RSF1: variants seen among roughly 807,000 people sequenced by gnomAD.
The protein encoded by RSF1 is HBV pX-associated protein 8.
RSF1 carries 13 observed loss-of-function variants against 145.2 expected under a neutral mutation model. The ratio of observed to expected loss-of-function variants is 0.09; its 90% CI spans 0.06 to 0.14. The LOEUF is 0.14. RSF1 is among the 10% of genes least tolerant of loss of function. The pLI is 1.00. For missense variants in RSF1, 1,517 were observed against 1,718.2 expected (o/e 0.88, Z 2.07); for synonymous variants, 577 against 592.6 (o/e 0.97, Z 0.38).
chr11:77,792,071 C>T (rs547924603), intron 1 of RSF1, among the ~76,000 whole-genome samples: 1 of 152,168 alleles, frequency 6.6e-6, no homozygotes, highest in Non-Finnish European at 1.5e-5. Flanking sequence ...AGGTTTATTG[C>T]ATTTGCAGTT....
At chr11:77,695,042 C>T (rs1223153988) in intron 7 of RSF1, among the ~76,000 whole-genome samples, 1 of 152,132 alleles carries the variant, frequency 6.6e-6, no homozygotes, top group African/African-American at 2.4e-5. Flanking sequence ...ACTTTGGTCA[C>T]TTGGTTAAAG....
chr11:77,831,254 T>C, the RSF1 span, among the ~76,000 whole-genome samples: 1,450 of 152,316 alleles, frequency 9.5e-3, 23 homozygotes, highest in African/African-American at 0.032. Flanking sequence ...GCTAGTGGAA[T>C]TGCAAAGTTG....
At chr11:77,671,138 A>AATATATATATATATATATAT (rs1225103987) in intron 15 of RSF1, among the ~76,000 whole-genome samples, 2 of 22,056 alleles carry the variant, frequency 9.1e-5, no homozygotes, top group East Asian at 1.6e-3. Flanking sequence ...AAAAAAAAAA[A>AATATATATATATATATATAT]ATATATATAT....
intron 1 of RSF1, among the ~76,000 whole-genome samples, chr11:77,804,360 C>T (rs1474328624): frequency 2.0e-5 from 3 of 152,058 alleles, no homozygotes; most frequent in African/African-American, 4.8e-5. Context: ...TGTAGCCTGT[C>T]GGGTAGAAGG....
At position 77,683,820 on chromosome 11, in the gene RSF1, CTTAAAAAA is replaced by C; in HGVS notation, c.2956-9_2956-2del. 6.2e-7 allele frequency: 1 copy of C among 1,604,652 alleles called. No homozygotes were observed. The highest frequency in any genetic ancestry group is 8.5e-7 in the Non-Finnish European group (1 of 1,174,940). ...CTTGATCTTCAGAAAAGTCTGGCTCCTTAAAAAATATGATAATAAGCATAGAGGTTATT... is the reference window on the plus strand; with the variant it reads ...CTTGATCTTCAGAAAAGTCTGGCTCCTATGATAATAAGCATAGAGGTTATT... On this transcript the variant is annotated splice_acceptor_variant and splice_polypyrimidine_tract_variant and intron_variant, in intron 10 of 15. Transcript: ENST00000308488. LOFTEE classifies it high-confidence loss of function.
chr11:77,812,490 TTA>T (rs1948741072), intron 1 of RSF1, among the ~76,000 whole-genome samples: 1 of 152,158 alleles, frequency 6.6e-6, no homozygotes, highest in Non-Finnish European at 1.5e-5. Flanking sequence ...CATATATACA[TTA>T]TATACTTCAT....
chr11:77,826,830 T>A, the RSF1 span, among the ~76,000 whole-genome samples: 1 of 152,000 alleles, frequency 6.6e-6, no homozygotes, highest in Non-Finnish European at 1.5e-5. Context: ...TGGAGCTGGG[T>A]GCAATGGCTC....
At chr11:77,671,138 AATATATATAT>A (rs1225103987) in intron 15 of RSF1, among the ~76,000 whole-genome samples, 1,052 of 21,704 alleles carry the variant, frequency 0.048, 29 homozygotes, top group East Asian at 0.11. Flanking sequence ...AAAAAAAAAA[AATATATATAT>A]ATATATATAT....
intron 2 of RSF1, among the ~76,000 whole-genome samples, 164 bp from the exon 3 acceptor site, chr11:77,747,292 TA>T (rs1160465668): frequency 2.6e-5 from 4 of 152,196 alleles, no homozygotes; most frequent in Non-Finnish European, 5.9e-5. Context: ...CTTAAAATGA[TA>T]AAAAATATTT....
chr11:77,701,253 T>A lies in RSF1; in HGVS notation c.1976A>T (p.Gln659Leu), dbSNP rs1357469423. 6.2e-7 allele frequency: 1 copy of A among 1,614,158 alleles called. No homozygotes were observed. Among genetic ancestry groups the A allele is most frequent in the East Asian group, 2.2e-5 (1 of 44,864 alleles). Residue 659 changes from glutamine to leucine, a missense_variant, in exon 6 of 16, where the codon CAG becomes CTG. Physicochemically the swap from Gln to Leu is moderately radical, Grantham distance 113 (BLOSUM62 -2). Around this residue, in one of 12 missense-constraint regions of RSF1, gnomAD observed 579 missense variants for 553.5 expected, o/e 1.05. Transcript: ENST00000308488. ...ECQSTSTVGG[Q>L]SVKKVDLETL... is the part of the protein sequence containing the mutation. Reference sequence around the variant, plus strand: ...TTCTAGGTCTACTTTTTTCACAGACTGGCCACCAACAGTACTTGTACTCTG... The same window carrying A: ...TTCTAGGTCTACTTTTTTCACAGACAGGCCACCAACAGTACTTGTACTCTG...
chr11:77,677,963 C>T lies in RSF1; in HGVS notation c.3133+123G>A, dbSNP rs374005228. The T allele has an allele frequency of 1.5e-4, 99 of 649,898 alleles. 1 individual carries two copies. The African/African-American group carries it at 1.7e-3, about 11-fold the overall frequency. The allele number at this position is 649,898 out of a possible 1,614,324, so 40.3% of individuals were successfully genotyped here. ...ACTCTAAATCTGAGACAACTAACATCAGTACTAATCATGATACATAACGGG... is the reference window on the plus strand; with the variant it reads ...ACTCTAAATCTGAGACAACTAACATTAGTACTAATCATGATACATAACGGG... On this transcript the variant is annotated intron_variant, in intron 12 of 15. Coordinates refer to ENST00000308488, the MANE Select transcript of RSF1 (RefSeq NM_016578.4).
At chr11:77,697,362 A>C (rs1215092248) in intron 7 of RSF1, among the ~76,000 whole-genome samples, 1 of 150,958 alleles carries the variant, frequency 6.6e-6, no homozygotes, top group African/African-American at 2.4e-5. Context: ...AATCTATTCA[A>C]AAGAACAGCA....
At chr11:77,841,083 A>T in the RSF1 span, 1 of 659,702 alleles carries the variant, frequency 1.5e-6, no homozygotes, top group Non-Finnish European at 2.8e-6. Context: ...TTGCTGCATC[A>T]TCCTATAGTG....
intron 4 of RSF1, chr11:77,734,811 C>T: frequency 1.3e-6 from 2 of 1,595,208 alleles, no homozygotes; most frequent in Non-Finnish European, 1.7e-6. Flanking sequence ...GGTTCTGCAG[C>T]TTCATCAGTT....
chr11:77,682,628 TA>T (rs1422512763), intron 11 of RSF1, among the ~76,000 whole-genome samples: 1 of 152,184 alleles, frequency 6.6e-6, no homozygotes, highest in African/African-American at 2.4e-5. Context: ...TATGGAGCAT[TA>T]ACTATCTGTC....
At chr11:77,770,627 T>G (rs867103559) in intron 1 of RSF1, among the ~76,000 whole-genome samples, 1 of 152,254 alleles carries the variant, frequency 6.6e-6, no homozygotes, top group Non-Finnish European at 1.5e-5. Flanking sequence ...TTGAGAATCA[T>G]ACTGTTGTTC....
At chr11:77,759,966 T>C (rs1948155541) in intron 2 of RSF1, among the ~76,000 whole-genome samples, 1 of 152,116 alleles carries the variant, frequency 6.6e-6, no homozygotes, top group Non-Finnish European at 1.5e-5. Flanking sequence ...CATAAATTGC[T>C]ATGAATACAA....
At chr11:77,809,882 C>T (rs921529239) in intron 1 of RSF1, among the ~76,000 whole-genome samples, 1 of 152,184 alleles carries the variant, frequency 6.6e-6, no homozygotes, top group Non-Finnish European at 1.5e-5. Flanking sequence ...AACATCTAAA[C>T]ATTGAAGAAG....
intron 15 of RSF1, among the ~76,000 whole-genome samples, chr11:77,669,853 T>G (rs1185434228): frequency 1.3e-5 from 2 of 152,126 alleles, no homozygotes; most frequent in Admixed American, 6.5e-5. Flanking sequence ...CAGGGCAGGG[T>G]GCAGTGGCTT....
Sources: allele counts gnomAD v4.1 joint callset (sites outside exome capture counted in the v4.1 genomes callset), GRCh38; gene constraint gnomAD v4.1.1; regional missense constraint gnomAD v4.1.1; transcripts MANE v1.5; gene names NCBI Gene and HGNC (gene_info 2026-07-23, HGNC 2026-07-21).